CCZ1B: variants seen among roughly 807,000 people sequenced by gnomAD.
The protein encoded by CCZ1B is CCZ1B vacuolar protein trafficking and biogenesis associated.
A neutral mutation model predicts 58.8 loss-of-function variants in CCZ1B; 25 were observed. That is an observed-to-expected ratio of 0.43 (90% CI 0.31 to 0.59). CCZ1B has a LOEUF of 0.59. Among genes scored for constraint, CCZ1B ranks in the 20% least tolerant of loss-of-function variants. The probability of loss-of-function intolerance (pLI) is 0.12; values close to 1 mark genes in which losing one functional copy is unlikely to be tolerated. For missense variants in CCZ1B, 180 were observed against 501.5 expected (o/e 0.36, Z 6.12); for synonymous variants, 66 against 173.2 (o/e 0.38, Z 4.86).
chr7:6,817,833 T>TA, intron 7 of CCZ1B, among the ~76,000 whole-genome samples: 1 of 149,020 alleles, frequency 6.7e-6, no homozygotes, highest in East Asian at 1.9e-4. Flanking sequence ...GCCAACATGG[T>TA]AAAACCCCGT....
In CCZ1B at chr7:6,824,089, C is replaced by T; in HGVS notation, c.390G>A (p.Leu130=). ...PVIEYQEEEL[L]DKVYSSVLRQ... ...AAATAAACAAACAATGACACATTAC[C>T]AACAACTCCTCCTCTTGATATTCAA... Residue 130 remains leucine, a splice_region_variant and synonymous_variant, in exon 4 of 15, where the codon TTG becomes TTA. Transcript: ENST00000316731. The T allele has an allele frequency of 7.0e-7, 1 of 1,434,550 alleles. No individual in the cohort carries two copies. Among genetic ancestry groups the T allele is most frequent in the Non-Finnish European group, 9.4e-7 (1 of 1,064,904 alleles). The allele number at this position is 1,434,550 out of a possible 1,614,324, so 88.9% of individuals were successfully genotyped here. A position where few individuals can be genotyped will look rare whatever the true frequency, so the allele number is the denominator to read the frequency against.
intron 1 of CCZ1B, among the ~76,000 whole-genome samples, chr7:6,825,664 C>CACACA (rs899253039): frequency 1.3e-4 from 16 of 125,668 alleles, no homozygotes; most frequent in East Asian, 4.9e-4. Context: ...CACACACACA[C>CACACA]CCCTCCCGAA....
At position 6,808,533 on chromosome 7, in the gene CCZ1B, T is replaced by C. The variant is rs549257202; in HGVS notation, c.955-2496A>G. Among the ~76,000 whole-genome samples the C allele has an allele frequency of 6.6e-5, 10 of 150,774 alleles. No individual in the cohort carries two copies. In the South Asian group the frequency reaches 2.1e-3, roughly 31 times the overall value. On this transcript the variant is annotated intron_variant, in intron 10 of 14. Coordinates refer to ENST00000316731, the MANE Select transcript of CCZ1B (RefSeq NM_198097.5). ...CCTCTTCCCCGGGCTGATTTTAACC[T>C]GTATTCTTCCACTGTAATAAACCGC...
chr7:6,816,004 A>G (rs1309450133), intron 7 of CCZ1B, among the ~76,000 whole-genome samples: 1 of 144,878 alleles, frequency 6.9e-6, no homozygotes, highest in Non-Finnish European at 1.5e-5. Flanking sequence ...TTCGGTGAAG[A>G]AAGAGGAGGA....
chr7:6,823,917 T>C (rs1339916192), intron 4 of CCZ1B, 172 bp downstream of exon 4: 1 of 961,774 alleles, frequency 1.0e-6, no homozygotes. Context: ...ATTGGGTGCA[T>C]ATACATTTTA....
At chr7:6,813,748 A>G (rs1192303463) in intron 8 of CCZ1B, among the ~76,000 whole-genome samples, 1 of 149,634 alleles carries the variant, frequency 6.7e-6, no homozygotes, top group Non-Finnish European at 1.5e-5. Context: ...GCACTAAAAC[A>G]TCTACTGAAA....
intron 5 of CCZ1B, among the ~76,000 whole-genome samples, chr7:6,823,034 T>C (rs1231159260): frequency 6.8e-6 from 1 of 147,208 alleles, no homozygotes; most frequent in African/African-American, 2.6e-5. Context: ...CATAAAATTA[T>C]CTGCATTCTG....
At chr7:6,812,919 T>G (rs1782941002) in intron 9 of CCZ1B, 57 bp downstream of exon 9, 2 of 1,491,450 alleles carry the variant, frequency 1.3e-6, no homozygotes, top group African/African-American at 3.0e-5. Context: ...AGAGCCAGAC[T>G]CTGAGTCAAA....
intron 1 of CCZ1B, among the ~76,000 whole-genome samples, chr7:6,825,381 G>T (rs1783178723): frequency 6.9e-6 from 1 of 145,766 alleles, no homozygotes; most frequent in Non-Finnish European, 1.5e-5. Context: ...TGGAAATACA[G>T]GTGCGTGCCA....
Position 6,814,803 on chromosome 7 carries a change from G to T in CCZ1B, c.741C>A (p.Tyr247Ter), listed in dbSNP as rs1207578491. Residue 247 changes from tyrosine (Y) to a stop codon, truncating the protein, a stop_gained, in exon 8 of 15, where the codon TAC becomes TAA. Transcript: ENST00000316731. LOFTEE classifies it high-confidence loss of function. The part of the protein sequence containing the change: ...EQDDMRILYK[Y>*]LTTSLFPRHI... ...GCCTTGGGAAAAGGGAGGTGGTAAG[G>T]TATTTGTATAAAATTCTCATGTCAT... 3 of 1,607,218 alleles carry T rather than the reference G, an allele frequency of 1.9e-6. No individual in the cohort carries two copies. The highest frequency in any genetic ancestry group is 4.5e-5 in the East Asian group (2 of 44,862).
At chr7:6,821,423 A>G (rs7811522) in intron 6 of CCZ1B, among the ~76,000 whole-genome samples, 19,739 of 151,358 alleles carry the variant, frequency 0.13, 27 homozygotes, top group East Asian at 0.2. Context: ...AAACCAGGAG[A>G]TAATATGCGA....
intron 7 of CCZ1B, among the ~76,000 whole-genome samples, chr7:6,817,253 C>CCAGT (rs1446662706): frequency 6.6e-6 from 1 of 151,514 alleles, no homozygotes; most frequent in Non-Finnish European, 1.5e-5. Context: ...GCCAGATTGT[C>CCAGT]CTGTGACTCC....
rs1229685034 is a variant in CCZ1B at position 6,813,849 on chromosome 7, A to C, written c.781-812T>G. Among the ~76,000 whole-genome samples, 7 of 103,776 alleles carry C rather than the reference A, an allele frequency of 6.7e-5. 1 individual carries two copies. The highest frequency in any genetic ancestry group is 3.0e-4 in the African/African-American group (7 of 23,192). The allele number at this position is 103,776 out of a possible 152,430, so 68.1% of individuals were successfully genotyped here. A position where few individuals can be genotyped will look rare whatever the true frequency, so the allele number is the denominator to read the frequency against. ...TTAAAGGTTTCTAGAACCCAACCTA[A>C]AATCCAATTTTTTTGGCCAGGAGCA... On this transcript the variant is annotated intron_variant, in intron 8 of 14. Coordinates refer to ENST00000316731, the MANE Select transcript of CCZ1B (RefSeq NM_198097.5).
chr7:6,812,203 G>A, intron 9 of CCZ1B, 140 bp from the exon 10 acceptor site: 2 of 926,008 alleles, frequency 2.2e-6, no homozygotes, highest in Non-Finnish European at 1.7e-6. Flanking sequence ...TATCAGAATA[G>A]GCCGGCTGGG....
chr7:6,812,302 A>T, intron 9 of CCZ1B: 2 of 471,600 alleles, frequency 4.2e-6, no homozygotes, highest in Non-Finnish European at 7.8e-6. Flanking sequence ...CAGCCTGGCC[A>T]ACATGGCAAA....
chr7:6,823,385 C>T (rs1783143052), intron 4 of CCZ1B, 25 bp from the exon 5 acceptor site: 1 of 1,606,690 alleles, frequency 6.2e-7, no homozygotes, highest in Non-Finnish European at 8.5e-7. Flanking sequence ...ACACAGCACA[C>T]AGCTCAGTTC....
At chr7:6,823,549 C>T (rs532288290) in intron 4 of CCZ1B, among the ~76,000 whole-genome samples, 189 bp from the exon 5 acceptor site, 19 of 119,128 alleles carry the variant, frequency 1.6e-4, no homozygotes, top group African/African-American at 5.7e-4. Flanking sequence ...GATGGAGTCT[C>T]GCTCTGTTGT....
At chr7:6,818,221 T>C (rs1583555023) in intron 7 of CCZ1B, among the ~76,000 whole-genome samples, 1 of 149,598 alleles carries the variant, frequency 6.7e-6, no homozygotes, top group East Asian at 1.9e-4. Context: ...GAACTTACCT[T>C]ATAGTAGTAC....
rs183186108 is a variant in CCZ1B at position 6,818,913 on chromosome 7, C to G, written c.698+853G>C. Among the ~76,000 whole-genome samples, 76 of 148,366 alleles carry G rather than the reference C, an allele frequency of 5.1e-4. No homozygotes were observed. The East Asian group carries it at 0.013, about 25-fold the overall frequency. ...CCCACGTTGTTCCTACTGCAGGACA[C>G]AAACCTAGTTTCACGATAGCAGGTA... is the stretch of plus-strand genomic sequence containing the variant. On this transcript the variant is annotated intron_variant, in intron 7 of 14. Transcript: ENST00000316731.
Sources: allele counts gnomAD v4.1 joint callset (sites outside exome capture counted in the v4.1 genomes callset), GRCh38; gene constraint gnomAD v4.1.1; transcripts MANE v1.5; gene names NCBI Gene and HGNC (gene_info 2026-07-23, HGNC 2026-07-21).